Variants in NOL9 observed in about 807,000 individuals in gnomAD.
The protein encoded by NOL9 is polynucleotide 5'-hydroxyl-kinase NOL9.
A neutral mutation model predicts 67.9 loss-of-function variants in NOL9; 28 were observed. That is an observed-to-expected ratio of 0.41 (90% CI 0.31 to 0.57). NOL9 has a LOEUF of 0.57. NOL9 is among the 20% of genes least tolerant of loss of function. The pLI is 0.25. For missense variants in NOL9, 777 were observed against 897.0 expected (o/e 0.87, Z 1.71); for synonymous variants, 356 against 352.2 (o/e 1.01, Z -0.12).
At position 6,524,163 on chromosome 1, in the gene NOL9, C is replaced by T. The variant is rs1638829011; in HGVS notation, c.*1691G>A. 6.6e-6 allele frequency: 1 copy of T among 152,190 alleles called. No homozygotes were observed. Among genetic ancestry groups the T allele is most frequent in the Non-Finnish European group, 1.5e-5 (1 of 68,024 alleles). The allele number at this position is 152,190 out of a possible 1,614,324, so 9.4% of individuals were successfully genotyped here. A position where few individuals can be genotyped will look rare whatever the true frequency, so the allele number is the denominator to read the frequency against. ...AAACTAATCACCATAGCAAGGTTTC[C>T]TGTGCTTATTTTAAGTCCTTTGCTG... On this transcript the variant is annotated 3_prime_UTR_variant, in exon 12 of 12. Transcript: ENST00000377705.
intron 1 of NOL9, among the ~76,000 whole-genome samples, chr1:6,553,524 C>CTT (rs35449661): frequency 0.018 from 2,636 of 147,716 alleles, 73 homozygotes; most frequent in African/African-American, 0.059. Flanking sequence ...TAATTGCAAC[C>CTT]TTTTTTTTTT....
chr1:6,544,800 C>T (rs370495710), intron 5 of NOL9, 26 bp downstream of exon 5: 9 of 1,612,066 alleles, frequency 5.6e-6, no homozygotes, highest in African/African-American at 2.7e-5. Context: ...AGCAATGTGT[C>T]AAAGCCATAA....
chr1:6,530,358 G>A (rs1362763924), intron 9 of NOL9, among the ~76,000 whole-genome samples: 1 of 152,190 alleles, frequency 6.6e-6, no homozygotes, highest in South Asian at 2.1e-4. Flanking sequence ...GGAGGCTGAC[G>A]CAGGAGAATC....
rs1233036477 is a variant in NOL9 at position 6,540,289 on chromosome 1, A to G, written c.1075+1541T>C. On this transcript the variant is annotated intron_variant, in intron 6 of 11. Transcript: ENST00000377705. ...AGGCGCCCGCCACTACGCCTGGCTA[A>G]TTTTTTGTATTTTTAGTAGAGACGG... 2.0e-5 allele frequency among the ~76,000 whole-genome samples: 3 copies of G among 151,608 alleles called. No individual in the cohort carries two copies. The East Asian group carries it at 5.8e-4, about 29-fold the overall frequency.
At position 6,526,810 on chromosome 1, in the gene NOL9, G is replaced by A. The variant is rs1415735240; in HGVS notation, c.1845C>T (p.Asp615=). Residue 615 remains aspartate, a synonymous_variant, in exon 11 of 12, where the codon GAC becomes GAT. Coordinates refer to ENST00000377705, the MANE Select transcript of NOL9 (RefSeq NM_024654.5). ...GGATGTGGTACAGCCGCTTCTCCAT[G>A]TCAATGCCTCTACAGATGCCTTCAA... ...CLGFGICRGI[D]MEKRLYHILT... 3.1e-6 allele frequency: 5 copies of A among 1,611,430 alleles called. No individual in the cohort carries two copies. Among genetic ancestry groups the A allele is most frequent in the Non-Finnish European group, 4.2e-6 (5 of 1,178,700 alleles).
chr1:6,530,093 T>G (rs117680856), intron 9 of NOL9, among the ~76,000 whole-genome samples: 1,575 of 152,186 alleles, frequency 0.01, 19 homozygotes, highest in Middle Eastern at 0.062. Flanking sequence ...GCCACTGCAC[T>G]TCAACCTAGG....
At chr1:6,544,799 T>C in intron 5 of NOL9, 27 bp downstream of exon 5, 1 of 1,611,688 alleles carries the variant, frequency 6.2e-7, no homozygotes, top group South Asian at 1.1e-5. Context: ...TAGCAATGTG[T>C]CAAAGCCATA....
chr1:6,544,098 C>T lies in NOL9; in HGVS notation c.977+728G>A, dbSNP rs1000322475. On this transcript the variant is annotated intron_variant, in intron 5 of 11. Coordinates refer to ENST00000377705, the MANE Select transcript of NOL9 (RefSeq NM_024654.5). ...CAGAGAACATGCCATTGCACTCCAG[C>T]CTGGGTGAGTGAAACTCTGTCTCAA... Among the ~76,000 whole-genome samples the T allele has an allele frequency of 2.6e-4, 40 of 152,022 alleles. 1 individual carries two copies. Among genetic ancestry groups the T allele is most frequent in the African/African-American group, 9.4e-4 (39 of 41,380 alleles).
intron 8 of NOL9, 169 bp from the exon 9 acceptor site, chr1:6,532,248 G>C: frequency 1.4e-6 from 1 of 722,378 alleles, no homozygotes; most frequent in Non-Finnish European, 2.3e-6. Context: ...TCTCCTTTAA[G>C]TCAAAGTTGC....
Position 6,532,530 on chromosome 1 carries a change from C to T in NOL9, c.1468G>A (p.Glu490Lys), listed in dbSNP as rs1435182423. ...FADEEKESPVEFTGHKLIGVY... is the reference protein window; with the variant it reads ...FADEEKESPVKFTGHKLIGVY... ...CCTATCAGTTTATGTCCAGTGAACT[C>T]AACTGGACTCTCTTTTTCTTCATCA... The change falls in exon 8 of 12, where the codon GAG (glutamate) becomes AAG (lysine). Residue 490 changes from glutamate (E) to lysine (K), a missense_variant. Physicochemically the swap from Glu to Lys is moderately conservative, Grantham distance 56. This residue lies in a region of NOL9 where 413 missense variants were observed against 552.6 expected (regional missense o/e 0.75). Transcript: ENST00000377705. 1 of 1,614,006 alleles carries T rather than the reference C, an allele frequency of 6.2e-7. No homozygotes were observed. The highest frequency in any genetic ancestry group is 1.1e-5 in the South Asian group (1 of 91,072).
At chr1:6,545,236 A>C in intron 3 of NOL9, 56 bp from the exon 4 acceptor site, 4 of 1,527,212 alleles carry the variant, frequency 2.6e-6, no homozygotes, top group Non-Finnish European at 3.6e-6. Flanking sequence ...TTTCTTCAGT[A>C]CTAAATTAAT....
intron 10 of NOL9, among the ~76,000 whole-genome samples, chr1:6,527,985 G>C (rs980807283): frequency 6.6e-6 from 1 of 152,130 alleles, no homozygotes; most frequent in Non-Finnish European, 1.5e-5. Flanking sequence ...CAGGCCAGGG[G>C]GAAAATCCAC....
intron 1 of NOL9, among the ~76,000 whole-genome samples, 159 bp from the exon 2 acceptor site, chr1:6,550,774 C>G (rs1639529277): frequency 6.6e-6 from 1 of 150,796 alleles, no homozygotes; most frequent in Admixed American, 6.6e-5. Flanking sequence ...ACCTCCACCT[C>G]CCAGGTTCAA....
intron 6 of NOL9, among the ~76,000 whole-genome samples, chr1:6,539,950 G>A (rs1224957886): frequency 6.6e-6 from 1 of 152,126 alleles, no homozygotes; most frequent in African/African-American, 2.4e-5. Context: ...TAGGGGCTAG[G>A]AAAGAGGACA....
Position 6,525,686 on chromosome 1 carries a change from A to G in NOL9, c.*168T>C. The stretch of plus-strand genomic sequence containing the variant: ...AACAAATTCTAGCTCATGCAGCTTT[A>G]AAAGAGAAACTTAAGACTACTATAT... On this transcript the variant is annotated 3_prime_UTR_variant, in exon 12 of 12. Transcript: ENST00000377705. The G allele has an allele frequency of 2.8e-6, 2 of 715,902 alleles. No individual in the cohort carries two copies. Among genetic ancestry groups the G allele is most frequent in the Non-Finnish European group, 4.7e-6 (2 of 425,454 alleles). The allele number at this position is 715,902 out of a possible 1,614,324, so 44.3% of individuals were successfully genotyped here. A position where few individuals can be genotyped will look rare whatever the true frequency, so the allele number is the denominator to read the frequency against.
In NOL9 at chr1:6,550,546, T is replaced by C. The variant is rs768794216; in HGVS notation, c.466A>G (p.Ile156Val). ...TCTTGGGCAGGCTGGCCTTGGCTGA[T>C]GGTAAAACCAAATACCTGCACCTGG... is the stretch of plus-strand genomic sequence containing the variant. ...YGQVQVFGFT[I>V]SQGQPAQDIF... The change falls in exon 2 of 12, where the codon ATC becomes GTC. Residue 156 changes from isoleucine to valine, a missense_variant. By Grantham distance (29) the Ile-to-Val change is conservative. Around this residue, in one of 2 missense-constraint regions of NOL9, gnomAD observed 364 missense variants for 344.4 expected, o/e 1.06. Transcript: ENST00000377705. 7 of 1,614,048 alleles carry C rather than the reference T, an allele frequency of 4.3e-6. No homozygotes were observed. Among genetic ancestry groups the C allele is most frequent in the East Asian group, 2.2e-5 (1 of 44,860 alleles).
chr1:6,549,791 A>G (rs10864622), intron 2 of NOL9, 93 bp from the exon 3 acceptor site: 1,483,905 of 1,489,200 alleles, frequency 1, 739,500 homozygotes, highest in East Asian at 1. Flanking sequence ...AACTATAAAC[A>G]TTAGGAGAGT....
At chr1:6,540,914 G>C (rs1639272513) in intron 6 of NOL9, 1 of 151,322 alleles carries the variant, frequency 6.6e-6, no homozygotes, top group African/African-American at 2.4e-5. Flanking sequence ...GACTGGCAAT[G>C]GGCCCCGCAC....
chr1:6,540,344 G>A (rs931539224), intron 6 of NOL9, among the ~76,000 whole-genome samples: 1 of 151,542 alleles, frequency 6.6e-6, no homozygotes, highest in Admixed American at 6.6e-5. Flanking sequence ...GGATGGTCTC[G>A]ATCTCCTAAC....
Sources: gnomAD v4.1 joint callset for allele counts (sites outside exome capture counted in the v4.1 genomes callset) on GRCh38, gnomAD v4.1.1 for gene constraint, gnomAD v4.1.1 regional missense constraint, MANE v1.5 for transcripts, NCBI Gene and HGNC (gene_info 2026-07-23, HGNC 2026-07-21) for gene names.